EVL: variants seen among roughly 807,000 people sequenced by gnomAD.
EVL encodes Enah/Vasp-like.
EVL carries 21 observed loss-of-function variants against 59.6 expected under a neutral mutation model. The observed-to-expected ratio is 0.35, with a 90% confidence interval of 0.25 to 0.51. The LOEUF is 0.51. EVL is among the 20% of genes least tolerant of loss of function. EVL has a pLI of 0.97. For synonymous variants in EVL, 198 were observed against 203.5 expected, an observed-to-expected ratio of 0.97 and a Z score of 0.23; for missense variants, 462 against 546.6, an observed-to-expected ratio of 0.85 and a Z score of 1.54.
At chr14:99,988,316 A>T (rs142607199) in intron 1 of EVL, among the ~76,000 whole-genome samples, 1 of 152,202 alleles carries the variant, frequency 6.6e-6, no homozygotes, top group Non-Finnish European at 1.5e-5. Flanking sequence ...GCTTAGCATC[A>T]TTAGACAAGA....
intron 1 of EVL, among the ~76,000 whole-genome samples, chr14:100,028,115 G>GTTGTTTTT (rs1268652286): frequency 1.5e-5 from 2 of 130,016 alleles, no homozygotes; most frequent in Admixed American, 1.5e-4. Context: ...TCTACTTTTA[G>GTTGTTTTT]TTGTTTTTTT....
chr14:100,014,118 A>T (rs184434708), intron 1 of EVL, among the ~76,000 whole-genome samples: 1 of 152,170 alleles, frequency 6.6e-6, no homozygotes, highest in Non-Finnish European at 1.5e-5. Flanking sequence ...ATCAGATACT[A>T]GCATTTGATT....
At chr14:100,065,549 C>A (rs749737081) in intron 1 of EVL, 38 bp downstream of exon 1, 4 of 1,287,792 alleles carry the variant, frequency 3.1e-6, no homozygotes, top group South Asian at 1.5e-5. Flanking sequence ...AGAGGGATGT[C>A]AAGAGGAAAC....
intron 1 of EVL, among the ~76,000 whole-genome samples, chr14:99,988,823 T>C (rs1329303044): frequency 6.6e-6 from 1 of 152,104 alleles, no homozygotes; most frequent in African/African-American, 2.4e-5. Flanking sequence ...AGACCACATA[T>C]TGTATGATTC....
intron 3 of EVL, chr14:100,107,051 G>A (rs1886615979): frequency 2.5e-6 from 1 of 398,650 alleles, no homozygotes; most frequent in Non-Finnish European, 4.4e-6. Flanking sequence ...CCATCAGCAG[G>A]TGGAATGACA....
chr14:100,071,783 T>G (rs1412037720), intron 1 of EVL, among the ~76,000 whole-genome samples: 1 of 152,168 alleles, frequency 6.6e-6, no homozygotes, highest in Non-Finnish European at 1.5e-5. Context: ...GGGAGGAGGA[T>G]GCAGGCGTCA....
At chr14:100,101,624 C>G (rs1031747010) in intron 3 of EVL, among the ~76,000 whole-genome samples, 1 of 152,150 alleles carries the variant, frequency 6.6e-6, no homozygotes, top group Non-Finnish European at 1.5e-5. Context: ...GCCTGGGCAA[C>G]AAGAGTGAAA....
intron 1 of EVL, chr14:99,974,633 T>G (rs1420188303): frequency 2.0e-5 from 3 of 152,142 alleles, no homozygotes; most frequent in Non-Finnish European, 4.4e-5. Context: ...AGCACAGAGT[T>G]GCAGTGGTCT....
At chr14:100,040,007 CG>C (rs1566979557) in intron 1 of EVL, among the ~76,000 whole-genome samples, 3 of 152,036 alleles carry the variant, frequency 2.0e-5, no homozygotes. Flanking sequence ...CTCAAACTCC[CG>C]GGCTCAAGGG....
chr14:100,138,548 G>C (rs1330207936), intron 11 of EVL: 2 of 152,776 alleles, frequency 1.3e-5, no homozygotes, highest in African/African-American at 2.4e-5. Flanking sequence ...CAGAGCAGGA[G>C]GCATTGAAAC....
At chr14:99,984,155 G>A (rs1387168211) in intron 1 of EVL, among the ~76,000 whole-genome samples, 2 of 152,158 alleles carry the variant, frequency 1.3e-5, no homozygotes, top group Non-Finnish European at 2.9e-5. Flanking sequence ...GTAGAAGCTA[G>A]CATCCAAGCA....
rs1251928825 is a variant in EVL, at chr14:99,972,921, A to G, written c.5+864A>G. On this transcript the variant is annotated intron_variant, in intron 1 of 13. Transcript: ENST00000402714. The surrounding 1 kb of genome is among the most constrained non-coding windows in gnomAD (Gnocchi z 4.4). Reference sequence around the variant, plus strand: ...ATTTATGACAATGAAATAATACAGTATTCTTTTGTGTCTGGTGTTTTTCAA... The same window carrying G: ...ATTTATGACAATGAAATAATACAGTGTTCTTTTGTGTCTGGTGTTTTTCAA... Among the ~76,000 whole-genome samples the G allele has an allele frequency of 1.3e-5, 2 of 152,000 alleles. No individual in the cohort carries two copies. The highest frequency in any genetic ancestry group is 1.9e-4 in the East Asian group (1 of 5,178).
At chr14:100,045,197 A>G (rs2061528925) in intron 1 of EVL, among the ~76,000 whole-genome samples, 1 of 152,224 alleles carries the variant, frequency 6.6e-6, no homozygotes, top group Admixed American at 6.5e-5. Flanking sequence ...GAGTATTAAA[A>G]GAGTGTGTGA....
rs2140391303 is a variant in EVL at position 100,132,931 on chromosome 14, G to T, written c.900+152G>T. The T allele has an allele frequency of 4.8e-6, 4 of 828,600 alleles. No homozygotes were observed. In the East Asian group the frequency reaches 1.1e-4, roughly 22 times the overall value. 51.3% of individuals were successfully genotyped at this position (828,600 alleles called of 1,614,324 possible). ...AGGAGGGGCGGAGGGTCTCTGCGGT[G>T]CTTGTCCCTGCGCCACCCTGGCCCC... On this transcript the variant is annotated intron_variant, in intron 8 of 13. Transcript: ENST00000392920.
At position 100,143,685 on chromosome 14, in the gene EVL, G is replaced by T; in HGVS notation, c.1220-16G>T. 1 of 1,611,422 alleles carries T rather than the reference G, an allele frequency of 6.2e-7. No individual in the cohort carries two copies. The highest frequency in any genetic ancestry group is 1.1e-5 in the South Asian group (1 of 91,014). ...TGGTCATGGCTGCACCTGAGCCGCC[G>T]CCACCTGTCCCGCAGCCATCAGGCA... On this transcript the variant is annotated splice_polypyrimidine_tract_variant and intron_variant, in intron 13 of 13. Transcript: ENST00000392920.
chr14:100,025,862 G>T (rs1373441195), intron 1 of EVL, among the ~76,000 whole-genome samples: 2 of 152,126 alleles, frequency 1.3e-5, no homozygotes, highest in African/African-American at 2.4e-5. Context: ...CTTGAACCTG[G>T]GATGCAGAGG....
intron 1 of EVL, among the ~76,000 whole-genome samples, chr14:100,069,586 C>T (rs926212107): frequency 2.0e-5 from 3 of 152,336 alleles, no homozygotes; most frequent in Admixed American, 2.0e-4. Context: ...ACCCGCACTT[C>T]CCTAGAGACC....
At chr14:99,992,049 C>T (rs1171403850) in intron 1 of EVL, among the ~76,000 whole-genome samples, 1 of 151,464 alleles carries the variant, frequency 6.6e-6, no homozygotes, top group Non-Finnish European at 1.5e-5. Flanking sequence ...TAGAAAATGG[C>T]TATACCATTT....
upstream of EVL, among the ~76,000 whole-genome samples, chr14:100,063,768 T>G (rs2061878239): frequency 6.6e-6 from 1 of 152,218 alleles, no homozygotes; most frequent in South Asian, 2.1e-4. Context: ...CATTCTTTCC[T>G]TGTGCATATG....
Sources: allele counts gnomAD v4.1 joint callset (sites outside exome capture counted in the v4.1 genomes callset), GRCh38; gene constraint gnomAD v4.1.1; non-coding constraint Gnocchi (gnomAD v3.1); transcripts MANE v1.5; gene names NCBI Gene and HGNC (gene_info 2026-07-23, HGNC 2026-07-21).